CRTAC1: variants seen among roughly 807,000 people sequenced by gnomAD.
CRTAC1 encodes acidic secreted protein in cartilage.
A neutral mutation model predicts 67.8 loss-of-function variants in CRTAC1; 37 were observed. The observed-to-expected ratio is 0.55, with a 90% CI of 0.42 to 0.72. The LOEUF (loss-of-function observed/expected upper bound fraction) is 0.72, where lower values mean the gene tolerates loss of function less well. Among genes scored for constraint, CRTAC1 ranks in the 30% least tolerant of loss-of-function variants. The probability of loss-of-function intolerance (pLI) is 0.00; values close to 1 mark genes in which losing one functional copy is unlikely to be tolerated. For synonymous variants in CRTAC1, 348 were observed against 371.0 expected (o/e 0.94, Z 0.71); for missense variants, 780 against 931.6 (o/e 0.84, Z 2.12).
intron 2 of CRTAC1, among the ~76,000 whole-genome samples, chr10:97,937,168 C>T (rs904621585): frequency 3.3e-5 from 5 of 152,206 alleles, no homozygotes; most frequent in African/African-American, 4.8e-5. Context: ...CACTCTCCTG[C>T]GCCTGCAACT....
chr10:97,953,381 C>T (rs1485133428), intron 2 of CRTAC1, among the ~76,000 whole-genome samples: 1 of 151,986 alleles, frequency 6.6e-6, no homozygotes, highest in Non-Finnish European at 1.5e-5. Flanking sequence ...ATTCAATGTA[C>T]GACAAGCAGA....
At position 97,865,718 on chromosome 10, in the gene CRTAC1, T is replaced by A. The variant is rs1374465195; in HGVS notation, c.1820-4A>T. 2 of 1,593,536 alleles carry A rather than the reference T, an allele frequency of 1.3e-6. No individual in the cohort carries two copies. The highest frequency in any genetic ancestry group is 1.3e-5 in the African/African-American group (1 of 74,504). On this transcript the variant is annotated splice_region_variant and splice_polypyrimidine_tract_variant and intron_variant, in intron 14 of 14. Transcript: ENST00000370597. ...CCCGGTGACTGGCCGAGAGTCCCTG[T>A]AGGGAGGTGTATGGCCGGAGTGAGG...
At chr10:97,983,229 G>T (rs1773920414) in intron 2 of CRTAC1, among the ~76,000 whole-genome samples, 1 of 152,196 alleles carries the variant, frequency 6.6e-6, no homozygotes, top group South Asian at 2.1e-4. Flanking sequence ...GTTATGGAAT[G>T]CCCTGGAATG....
chr10:97,943,863 C>T (rs374045131), intron 2 of CRTAC1, among the ~76,000 whole-genome samples: 27 of 152,310 alleles, frequency 1.8e-4, no homozygotes, highest in East Asian at 5.8e-4. Context: ...TTCCATTTGG[C>T]GCTTTACTGA....
At chr10:97,953,035 C>T (rs2051384569) in intron 2 of CRTAC1, among the ~76,000 whole-genome samples, 1 of 152,162 alleles carries the variant, frequency 6.6e-6, no homozygotes, top group Non-Finnish European at 1.5e-5. Flanking sequence ...TATGCCTCTG[C>T]CACTCTAGCA....
chr10:98,017,322 T>C (rs907471216), intron 1 of CRTAC1, among the ~76,000 whole-genome samples: 5 of 152,040 alleles, frequency 3.3e-5, no homozygotes, highest in African/African-American at 1.2e-4. Flanking sequence ...GTAAAGGCAA[T>C]GGGAGGCTAT....
chr10:97,884,088 C>A, intron 12 of CRTAC1, 118 bp downstream of exon 12: 1 of 1,244,686 alleles, frequency 8.0e-7, no homozygotes, highest in South Asian at 1.6e-5. Flanking sequence ...TTCGCTTTGC[C>A]AAGATTTCCA....
chr10:97,872,355 G>A (rs2050103174), intron 14 of CRTAC1, among the ~76,000 whole-genome samples: 1 of 152,198 alleles, frequency 6.6e-6, no homozygotes, highest in African/African-American at 2.4e-5. Flanking sequence ...TTAAAGGATG[G>A]ATGCAGTGAC....
chr10:97,951,341 G>T (rs1242332066), intron 2 of CRTAC1, among the ~76,000 whole-genome samples: 2 of 152,208 alleles, frequency 1.3e-5, no homozygotes, highest in Non-Finnish European at 2.9e-5. Context: ...AGTTGCTATG[G>T]AATGTTAACT....
At chr10:97,894,708 TTACATATATATATATATATATATA>T (rs796211140) in intron 11 of CRTAC1, among the ~76,000 whole-genome samples, 2,460 of 39,972 alleles carry the variant, frequency 0.062, 147 homozygotes, top group African/African-American at 0.14. Flanking sequence ...CCTGATGCTT[TTACATATATATATATATATATATA>T]TATATATATA....
chr10:97,938,045 G>T (rs1202780663), intron 2 of CRTAC1, among the ~76,000 whole-genome samples: 1 of 152,240 alleles, frequency 6.6e-6, no homozygotes, highest in Non-Finnish European at 1.5e-5. Flanking sequence ...AGGTTTGGGG[G>T]ATGCTGAGCA....
At chr10:98,024,744 TC>T (rs1843190285) in intron 1 of CRTAC1, among the ~76,000 whole-genome samples, 2 of 136,008 alleles carry the variant, frequency 1.5e-5, no homozygotes, top group African/African-American at 2.7e-5. Context: ...GATTATATTA[TC>T]CTTTTTTTTT....
intron 2 of CRTAC1, among the ~76,000 whole-genome samples, chr10:97,952,182 C>G (rs942231285): frequency 2.6e-4 from 40 of 152,018 alleles, no homozygotes; most frequent in Admixed American, 1.1e-3. Context: ...GAAACCCCAT[C>G]TCTACTAAAA....
intron 2 of CRTAC1, among the ~76,000 whole-genome samples, chr10:97,976,096 G>A (rs1473364154): frequency 1.3e-5 from 2 of 152,156 alleles, no homozygotes; most frequent in Non-Finnish European, 1.5e-5. Flanking sequence ...TCTAGAGCTC[G>A]GAAAGGCAGG....
At chr10:97,969,067 G>T (rs1157980867) in intron 2 of CRTAC1, among the ~76,000 whole-genome samples, 4 of 152,106 alleles carry the variant, frequency 2.6e-5, no homozygotes, top group African/African-American at 9.7e-5. Context: ...CATGTCAAAA[G>T]TGCCCTCATT....
chr10:97,985,818 T>C (rs2051971733), intron 2 of CRTAC1, among the ~76,000 whole-genome samples: 1 of 152,168 alleles, frequency 6.6e-6, no homozygotes, highest in South Asian at 2.1e-4. Flanking sequence ...CCTGAGACAG[T>C]AGCTGGCCCA....
At chr10:97,939,791 C>T (rs1461154455) in intron 2 of CRTAC1, among the ~76,000 whole-genome samples, 1 of 152,144 alleles carries the variant, frequency 6.6e-6, no homozygotes. Context: ...AATGCTTTCC[C>T]CACCTTCCCA....
At chr10:98,016,277 AACCATC>A (rs764448344) in intron 1 of CRTAC1, among the ~76,000 whole-genome samples, 2 of 152,206 alleles carry the variant, frequency 1.3e-5, no homozygotes, top group Non-Finnish European at 2.9e-5. Context: ...TGTTCCCAGA[AACCATC>A]ATAGTGCCTG....
intron 2 of CRTAC1, among the ~76,000 whole-genome samples, chr10:97,991,099 C>CAAAAAAAAAAAAAAAAAAAAAAA (rs757267901): frequency 5.6e-5 from 1 of 17,980 alleles, no homozygotes; most frequent in Admixed American, 6.1e-4. Context: ...ACCATCTCTA[C>CAAAAAAAAAAAAAAAAAAAAAAA]AAAAAAAAAA....
Sources: allele counts gnomAD v4.1 joint callset (sites outside exome capture counted in the v4.1 genomes callset), GRCh38; gene constraint gnomAD v4.1.1; transcripts MANE v1.5; gene names NCBI Gene and HGNC (gene_info 2026-07-23, HGNC 2026-07-21).